Variants in SIN3A observed in about 807,000 individuals in gnomAD.
The protein encoded by SIN3A is SIN3 transcription regulator family member A, also known as paired amphipathic helix protein Sin3a.
In SIN3A, 14 loss-of-function variants were observed where a neutral mutation model predicts 146.1. The ratio of observed to expected loss-of-function variants is 0.10; its 90% CI spans 0.06 to 0.15. SIN3A has a LOEUF of 0.15. Ranked by LOEUF, SIN3A falls within the 10% of genes least tolerant of loss-of-function variation. The pLI is 1.00. For synonymous variants in SIN3A, 572 were observed against 572.0 expected, an observed-to-expected ratio of 1.00 and a Z score of 0.00; for missense variants, 1,028 against 1,576.0, an observed-to-expected ratio of 0.65 and a Z score of 5.89.
intron 1 of SIN3A, among the ~76,000 whole-genome samples, chr15:75,432,298 C>T (rs932967046): frequency 1.3e-5 from 2 of 152,108 alleles, no homozygotes; most frequent in Non-Finnish European, 2.9e-5. Flanking sequence ...TTCTTATATA[C>T]GTTCATGACT....
At chr15:75,372,310 T>C (rs1412145747) in intron 20 of SIN3A, 101 bp from the exon 21 acceptor site, 8 of 693,336 alleles carry the variant, frequency 1.2e-5, no homozygotes, top group African/African-American at 9.1e-5. Context: ...AAAGGAAAGA[T>C]GTGGGCTCAA....
Position 75,389,812 on chromosome 15 carries a change from T to A in SIN3A, c.2861A>T (p.Asp954Val). The change falls in exon 16 of 21, where the codon GAT (aspartate) becomes GTT (valine). Residue 954 changes from aspartate to valine, a missense_variant. Coordinates refer to ENST00000394947, the MANE Select transcript of SIN3A (RefSeq NM_001145358.2). ...GAAAGCTGGGTAATAATCTTCTACATCAACATCCACTGTGGGAGAGATGGG... is the reference window on the plus strand; with the variant it reads ...GAAAGCTGGGTAATAATCTTCTACAACAACATCCACTGTGGGAGAGATGGG... The part of the protein sequence containing the change: ...QLRLKEPMDV[D>V]VEDYYPAFLD... 2 of 1,614,046 alleles carry A rather than the reference T, an allele frequency of 1.2e-6. No homozygotes were observed. The highest frequency in any genetic ancestry group is 1.7e-6 in the Non-Finnish European group (2 of 1,179,932).
chr15:75,400,052 A>G lies in SIN3A; in HGVS notation c.1842T>C (p.Asp614=). 6.3e-7 allele frequency: 1 copy of G among 1,594,014 alleles called. No individual in the cohort carries two copies. Among genetic ancestry groups the G allele is most frequent in the Non-Finnish European group, 8.6e-7 (1 of 1,161,858 alleles). The change falls in exon 12 of 21, where the codon GAT becomes GAC. Residue 614 remains aspartate, a synonymous_variant. Transcript: ENST00000394947. ...QYEEHIYRCE[D]ERFELDVVLE... is the part of the protein sequence containing the mutation. ...AACAAGCTTGTACCTCAAAGCGTTCATCTTCACAACGATAAATATGTTCTT... is the reference window on the plus strand; with the variant it reads ...AACAAGCTTGTACCTCAAAGCGTTCGTCTTCACAACGATAAATATGTTCTT...
chr15:75,377,259 G>T (rs2072879470), intron 19 of SIN3A, among the ~76,000 whole-genome samples: 1 of 152,076 alleles, frequency 6.6e-6, no homozygotes, highest in Non-Finnish European at 1.5e-5. Flanking sequence ...TCATGCGACT[G>T]CAATTCAAGT....
intron 17 of SIN3A, among the ~76,000 whole-genome samples, chr15:75,383,436 T>A (rs1302322061): frequency 6.6e-6 from 1 of 152,120 alleles, no homozygotes; most frequent in African/African-American, 2.4e-5. Context: ...TTATTTTCAT[T>A]TTTTTGGGAC....
In SIN3A at chr15:75,384,304, C is replaced by T. The variant is rs149212643; in HGVS notation, c.3155G>A (p.Arg1052Gln). ...SRSLLESTYQ[R>Q]KAEQLMSDEN... is the part of the protein sequence containing the mutation. ...ATCTGACATTAGCTGCTCAGCTTTC[C>T]GCTGATACGTTGACTCCAGGAGGCT... Residue 1052 changes from arginine (R) to glutamine (Q), a missense_variant, in exon 17 of 21, where the codon CGG becomes CAG. Physicochemically the swap from Arg to Gln is conservative, Grantham distance 43. Coordinates refer to ENST00000394947, the MANE Select transcript of SIN3A (RefSeq NM_001145358.2). 3 of 1,613,022 alleles carry T rather than the reference C, an allele frequency of 1.9e-6. No individual in the cohort carries two copies. The highest frequency in any genetic ancestry group is 2.5e-6 in the Non-Finnish European group (3 of 1,179,370).
At chr15:75,451,305 C>T (rs2074403589) in intron 1 of SIN3A, 118 bp downstream of exon 1, 1 of 136,990 alleles carries the variant, frequency 7.3e-6, no homozygotes, top group Non-Finnish European at 1.6e-5. Flanking sequence ...CACCTCCCGC[C>T]CGTCTGCTCT....
intron 14 of SIN3A, among the ~76,000 whole-genome samples, chr15:75,393,111 T>A (rs2073239454): frequency 6.6e-6 from 1 of 152,150 alleles, no homozygotes; most frequent in Admixed American, 6.5e-5. Flanking sequence ...GTGCCTGTAA[T>A]CCCAGCCCTT....
intron 4 of SIN3A, 133 bp from the exon 5 acceptor site, chr15:75,413,178 T>C (rs978934193): frequency 3.7e-5 from 29 of 782,050 alleles, no homozygotes; most frequent in Non-Finnish European, 5.1e-5. Flanking sequence ...AATGGTGCAA[T>C]CTTGGGGTCT....
chr15:75,422,260 A>G, intron 3 of SIN3A: 1 of 352,078 alleles, frequency 2.8e-6, no homozygotes. Flanking sequence ...ATTTAAAAAG[A>G]TTGAACTGTA....
intron 1 of SIN3A, among the ~76,000 whole-genome samples, chr15:75,440,982 CAA>C (rs769091157): frequency 7.0e-5 from 5 of 71,562 alleles, no homozygotes; most frequent in Non-Finnish European, 8.6e-5. Context: ...GACTCTGTCT[CAA>C]AAAAAAAAAA....
At chr15:75,395,792 C>T (rs1168196853) in intron 13 of SIN3A, among the ~76,000 whole-genome samples, 1 of 152,072 alleles carries the variant, frequency 6.6e-6, no homozygotes, top group Non-Finnish European at 1.5e-5. Context: ...GTAGTCCCAG[C>T]TATTCGGGAG....
chr15:75,409,849 G>A lies in SIN3A; in HGVS notation c.1304C>T (p.Thr435Ile). ...CQIRRHPTGT[T>I]PPVKKKPKLL... ...GCCCATTCTCACCTTAACTGGAGGG[G>A]TGGTTCCTGTAGGATGTCTGCGGAT... The change falls in exon 8 of 21, where the codon ACC (threonine) becomes ATC (isoleucine). Residue 435 changes from threonine (T) to isoleucine (I), a missense_variant. Thr to Ile is a moderately conservative substitution (Grantham distance 89). This residue lies in a region of SIN3A where 62 missense variants were observed against 63.5 expected (regional missense o/e 0.98). Transcript: ENST00000394947. The A allele has an allele frequency of 6.2e-7, 1 of 1,612,606 alleles. No homozygotes were observed. Among genetic ancestry groups the A allele is most frequent in the Non-Finnish European group, 8.5e-7 (1 of 1,179,900 alleles).
chr15:75,378,908 A>T (rs201056830), intron 19 of SIN3A, among the ~76,000 whole-genome samples: 6 of 144,596 alleles, frequency 4.1e-5, no homozygotes, highest in Non-Finnish European at 9.1e-5. Context: ...ATATATATAT[A>T]TTTTATTTTT....
intron 12 of SIN3A, among the ~76,000 whole-genome samples, chr15:75,397,416 G>A (rs1454467201): frequency 6.6e-6 from 1 of 152,134 alleles, no homozygotes; most frequent in Non-Finnish European, 1.5e-5. Flanking sequence ...TAGAAGTAAT[G>A]TTTATTACTT....
At chr15:75,396,721 T>C (rs767556983) in intron 12 of SIN3A, among the ~76,000 whole-genome samples, 3 of 152,162 alleles carry the variant, frequency 2.0e-5, no homozygotes, top group Non-Finnish European at 2.9e-5. Context: ...ATAAAGTATT[T>C]AGCACAATAC....
chr15:75,406,969 CTTT>C (rs1349073125), intron 9 of SIN3A, 83 bp downstream of exon 9: 1 of 947,610 alleles, frequency 1.1e-6, no homozygotes, highest in Non-Finnish European at 1.6e-6. Context: ...AGCCTGACAC[CTTT>C]AAAACGAAAC....
At chr15:75,405,287 A>G (rs545092956) in intron 9 of SIN3A, among the ~76,000 whole-genome samples, 1 of 150,952 alleles carries the variant, frequency 6.6e-6, no homozygotes, top group Non-Finnish European at 1.5e-5. Context: ...AATCGCTTGA[A>G]CCCAGGAGAT....
At chr15:75,449,137 G>GAAATTTTGGGCTACATAATCC (rs2074357588) in intron 1 of SIN3A, among the ~76,000 whole-genome samples, 1 of 152,134 alleles carries the variant, frequency 6.6e-6, no homozygotes, top group African/African-American at 2.4e-5. Context: ...TTCCTCAATG[G>GAAATTTTGGGCTACATAATCC]TCAATCGTTC....
Sources: gnomAD v4.1 joint callset for allele counts (sites outside exome capture counted in the v4.1 genomes callset) on GRCh38, gnomAD v4.1.1 for gene constraint, gnomAD v4.1.1 regional missense constraint, MANE v1.5 for transcripts, NCBI Gene and HGNC (gene_info 2026-07-23, HGNC 2026-07-21) for gene names.